CEP350: variants seen among roughly 807,000 people sequenced by gnomAD.
CEP350 encodes centrosome-associated protein 350.
A neutral mutation model predicts 331.8 loss-of-function variants in CEP350; 126 were observed. The ratio of observed to expected loss-of-function variants is 0.38; its 90% confidence interval spans 0.33 to 0.44. CEP350 has a LOEUF of 0.44. Among genes scored for constraint, CEP350 ranks in the 20% least tolerant of loss-of-function variants. CEP350 has a pLI of 1.00. For synonymous variants in CEP350, 1,200 were observed against 1,259.5 expected, an observed-to-expected ratio of 0.95 and a Z score of 1.00; for missense variants, 3,406 against 3,634.6, an observed-to-expected ratio of 0.94 and a Z score of 1.62.
rs1204916451 is a variant in CEP350, at chr1:180,095,986, A to G, written c.8920-52A>G. 2.6e-6 allele frequency: 4 copies of G among 1,557,116 alleles called. No individual in the cohort carries two copies. In the Admixed American group the frequency reaches 8.2e-5, roughly 32 times the overall value. On this transcript the variant is annotated intron_variant, in intron 35 of 37. Transcript: ENST00000367607. The stretch of plus-strand genomic sequence containing the variant: ...TTAAACTTTTCTCCCATTGTCTGAA[A>G]TTTGGATTCTTAGCCATTTTGTTTT...
intron 21 of CEP350, among the ~76,000 whole-genome samples, chr1:180,045,211 G>A (rs1207991316): frequency 6.6e-6 from 1 of 151,998 alleles, no homozygotes; most frequent in Non-Finnish European, 1.5e-5. Flanking sequence ...GCGTGGTGGC[G>A]TGTGCCCATA....
chr1:179,960,410 A>G (rs777180843), intron 1 of CEP350, among the ~76,000 whole-genome samples: 12 of 152,150 alleles, frequency 7.9e-5, no homozygotes, highest in South Asian at 2.1e-4. Flanking sequence ...GAATGAAACT[A>G]TGTTATGGAG....
intron 8 of CEP350, among the ~76,000 whole-genome samples, chr1:180,009,537 A>C (rs1484689848): frequency 6.6e-6 from 1 of 152,168 alleles, no homozygotes; most frequent in Non-Finnish European, 1.5e-5. Context: ...TTATGTAGTG[A>C]AATTCCTTTT....
At chr1:180,022,639 T>A in intron 12 of CEP350, 59 bp from the exon 13 acceptor site, 1 of 1,507,288 alleles carries the variant, frequency 6.6e-7, no homozygotes, top group Non-Finnish European at 9.1e-7. Context: ...TATGGGATGC[T>A]TTTCTTACAG....
intron 14 of CEP350, among the ~76,000 whole-genome samples, chr1:180,026,992 A>T (rs1300338285): frequency 6.6e-6 from 1 of 152,226 alleles, no homozygotes; most frequent in African/African-American, 2.4e-5. Context: ...GCTAGATCAA[A>T]TGGTAATGCC....
At chr1:180,081,841 A>G (rs1356475540) in intron 30 of CEP350, among the ~76,000 whole-genome samples, 3 of 152,232 alleles carry the variant, frequency 2.0e-5, no homozygotes, top group Non-Finnish European at 4.4e-5. Flanking sequence ...TATAATAAAA[A>G]TTCTTTTTGT....
intron 21 of CEP350, among the ~76,000 whole-genome samples, chr1:180,047,022 G>T (rs1657163443): frequency 6.6e-6 from 1 of 152,112 alleles, no homozygotes; most frequent in Non-Finnish European, 1.5e-5. Context: ...GATAAGTACT[G>T]TCATAGAAAT....
At chr1:179,992,263 C>A in intron 5 of CEP350, 42 bp downstream of exon 5, 1 of 1,409,368 alleles carries the variant, frequency 7.1e-7, no homozygotes, top group Non-Finnish European at 9.2e-7. Context: ...TAGGTTTAGC[C>A]TGTAATATTT....
intron 27 of CEP350, among the ~76,000 whole-genome samples, chr1:180,066,614 A>G (rs1434082379): frequency 6.6e-6 from 1 of 152,236 alleles, no homozygotes; most frequent in African/African-American, 2.4e-5. Context: ...AAGTCTTGAA[A>G]ATACAGTTTT....
chr1:179,955,032 G>C lies in CEP350; in HGVS notation c.-124G>C, dbSNP rs1356248611. ...AGGGCACCCGGTGCGTCCCCGGAGCGGGGAGGCCAGGCCGGGCAGCCCTGG... is the reference window on the plus strand; with the variant it reads ...AGGGCACCCGGTGCGTCCCCGGAGCCGGGAGGCCAGGCCGGGCAGCCCTGG... On this transcript the variant is annotated 5_prime_UTR_variant, in exon 1 of 38. Coordinates refer to ENST00000367607, the MANE Select transcript of CEP350 (RefSeq NM_014810.5). The C allele has an allele frequency of 8.2e-6, 11 of 1,337,338 alleles. No homozygotes were observed. In the Admixed American group the frequency reaches 3.4e-4, roughly 42 times the overall value. 82.8% of individuals were successfully genotyped at this position (1,337,338 alleles called of 1,614,324 possible). A position where few individuals can be genotyped will look rare whatever the true frequency, so the allele number is the denominator to read the frequency against.
At chr1:180,018,014 T>C (rs551595311) in intron 11 of CEP350, among the ~76,000 whole-genome samples, 1 of 152,298 alleles carries the variant, frequency 6.6e-6, no homozygotes, top group African/African-American at 2.4e-5. Context: ...TTTTATTTGT[T>C]TTTAATTTGG....
chr1:179,956,039 T>G (rs546859699), intron 1 of CEP350, among the ~76,000 whole-genome samples: 2 of 152,186 alleles, frequency 1.3e-5, no homozygotes, highest in Non-Finnish European at 2.9e-5. Context: ...GTAGAAACAA[T>G]GATAAAATAC....
rs139231961 is a variant in CEP350 at position 179,997,150 on chromosome 1, A to T, written c.993A>T (p.Thr331=). The T allele has an allele frequency of 1.8e-4, 288 of 1,613,580 alleles. 1 individual carries two copies. In the African/African-American group the frequency reaches 3.1e-3, roughly 18 times the overall value. ...SVTAKVRKVA[T]APPAPAYKGF... is the part of the protein sequence containing the mutation. ...CAGCAAAAGTCAGAAAAGTGGCAAC[A>T]GCACCACCTGCTCCAGCATATAAAG... The change falls in exon 6 of 38, where the codon ACA becomes ACT. Residue 331 remains threonine (T), a synonymous_variant. Transcript: ENST00000367607.
intron 27 of CEP350, among the ~76,000 whole-genome samples, chr1:180,067,631 G>C (rs943664302): frequency 1.3e-5 from 2 of 152,210 alleles, no homozygotes; most frequent in Non-Finnish European, 2.9e-5. Context: ...GGAGGTTGCA[G>C]TGAGCTGAGC....
chr1:180,090,280 C>T (rs919452884), intron 32 of CEP350, among the ~76,000 whole-genome samples: 2 of 152,014 alleles, frequency 1.3e-5, no homozygotes, highest in African/African-American at 4.8e-5. Context: ...GGCGCGGTGG[C>T]TCACGCCTGT....
At chr1:180,026,270 CA>C (rs529383708) in intron 14 of CEP350, among the ~76,000 whole-genome samples, 18,613 of 124,930 alleles carry the variant, frequency 0.15, 1,145 homozygotes, top group South Asian at 0.19. Context: ...GACTCTGTGT[CA>C]AAAAAAAAAA....
At chr1:179,970,694 G>T (rs1436011497) in intron 1 of CEP350, among the ~76,000 whole-genome samples, 1 of 152,144 alleles carries the variant, frequency 6.6e-6, no homozygotes, top group African/African-American at 2.4e-5. Context: ...AATAAATATT[G>T]AGCAAAATGA....
intron 26 of CEP350, among the ~76,000 whole-genome samples, chr1:180,063,390 G>A (rs1045786117): frequency 6.0e-5 from 9 of 151,224 alleles, no homozygotes; most frequent in South Asian, 2.1e-4. Flanking sequence ...ATGGAGTTTC[G>A]CCATGTTGCT....
chr1:179,992,993 T>G (rs1653202756), intron 5 of CEP350, among the ~76,000 whole-genome samples: 1 of 152,078 alleles, frequency 6.6e-6, no homozygotes, highest in Non-Finnish European at 1.5e-5. Context: ...ACTCTTAAAT[T>G]TTACATACCT....
Sources: gnomAD v4.1 joint callset for allele counts (sites outside exome capture counted in the v4.1 genomes callset) on GRCh38, gnomAD v4.1.1 for gene constraint, MANE v1.5 for transcripts, NCBI Gene and HGNC (gene_info 2026-07-23, HGNC 2026-07-21) for gene names.